The following PPP2R2C variants were observed in gnomAD, a reference collection of about 807,000 sequenced individuals.
PPP2R2C encodes protein phosphatase 2, regulatory subunit B, gamma.
PPP2R2C carries 10 observed loss-of-function variants against 45.3 expected under a neutral mutation model. That is an observed-to-expected ratio of 0.22 (90% CI 0.14 to 0.37). The LOEUF (loss-of-function observed/expected upper bound fraction) is 0.37, where lower values mean the gene tolerates loss of function less well. Ranked by LOEUF, PPP2R2C falls within the 10% of genes least tolerant of loss-of-function variation. PPP2R2C has a pLI of 1.00. For synonymous variants in PPP2R2C, 257 were observed against 245.4 expected (o/e 1.05, Z -0.44); for missense variants, 308 against 619.7 (o/e 0.50, Z 5.34).
chr4:6,323,864 A>C (rs1197714067), intron 8 of PPP2R2C, among the ~76,000 whole-genome samples: 1 of 96,982 alleles, frequency 1.0e-5, no homozygotes, highest in African/African-American at 3.6e-5. Flanking sequence ...GGATCACCTG[A>C]GCCTGGGGAG....
At chr4:6,507,895 C>T (rs933782922) in intron 2 of PPP2R2C, among the ~76,000 whole-genome samples, 2 of 152,174 alleles carry the variant, frequency 1.3e-5, no homozygotes, top group Non-Finnish European at 2.9e-5. Context: ...GAGGGTTGAA[C>T]ATGATTGCTG....
At chr4:6,499,764 T>C (rs1197793842) in intron 2 of PPP2R2C, among the ~76,000 whole-genome samples, 7 of 131,396 alleles carry the variant, frequency 5.3e-5, no homozygotes, top group Non-Finnish European at 9.8e-5. Flanking sequence ...CATTGAACCA[T>C]AAAAAAAAAA....
chr4:6,351,306 C>G, intron 5 of PPP2R2C: 1 of 880,214 alleles, frequency 1.1e-6, no homozygotes, highest in Non-Finnish European at 1.4e-6. Context: ...GAGCAAGACT[C>G]CATCTCAAAA....
intron 4 of PPP2R2C, among the ~76,000 whole-genome samples, chr4:6,375,596 C>T (rs2109302783): frequency 6.6e-6 from 1 of 152,336 alleles, no homozygotes; most frequent in Middle Eastern, 3.4e-3. Flanking sequence ...CATACACCAC[C>T]CCTGCATGCT....
At chr4:6,374,801 G>A (rs1400861373) in intron 4 of PPP2R2C, among the ~76,000 whole-genome samples, 2 of 152,180 alleles carry the variant, frequency 1.3e-5, no homozygotes, top group Non-Finnish European at 2.9e-5. Flanking sequence ...GCCTAGCGTG[G>A]AGCAGCTCCT....
At chr4:6,370,007 C>T (rs1173191484) in intron 5 of PPP2R2C, among the ~76,000 whole-genome samples, 1 of 152,202 alleles carries the variant, frequency 6.6e-6, no homozygotes, top group African/African-American at 2.4e-5. Context: ...GAAAGGGTTT[C>T]GGCATCCATA....
chr4:6,525,710 G>A (rs1196276023), intron 2 of PPP2R2C, among the ~76,000 whole-genome samples: 1 of 151,940 alleles, frequency 6.6e-6, no homozygotes, highest in Non-Finnish European at 1.5e-5. Context: ...TGTCCTTTTT[G>A]GGGGGATGGG....
At chr4:6,423,800 A>G (rs1719120772) in intron 1 of PPP2R2C, among the ~76,000 whole-genome samples, 1 of 152,162 alleles carries the variant, frequency 6.6e-6, no homozygotes, top group South Asian at 2.1e-4. Flanking sequence ...TAGTGGTATG[A>G]GCAGAGGCCA....
intron 1 of PPP2R2C, among the ~76,000 whole-genome samples, chr4:6,410,525 G>C (rs1718096525): frequency 6.6e-6 from 1 of 152,184 alleles, no homozygotes; most frequent in Non-Finnish European, 1.5e-5. Context: ...ATATCAAAAA[G>C]ATGGGGATGG....
intron 5 of PPP2R2C, among the ~76,000 whole-genome samples, chr4:6,370,757 C>G (rs142616245): frequency 1.3e-3 from 195 of 152,334 alleles, no homozygotes; most frequent in African/African-American, 4.5e-3. Flanking sequence ...TTATCCACAT[C>G]AAACATGCTC....
chr4:6,488,733 G>T (rs1722605617), intron 2 of PPP2R2C, among the ~76,000 whole-genome samples: 1 of 152,106 alleles, frequency 6.6e-6, no homozygotes. Context: ...TTGCTTTGAT[G>T]ATTTGCTAAG....
chr4:6,469,367 T>A (rs1721744670), intron 1 of PPP2R2C, among the ~76,000 whole-genome samples: 1 of 152,156 alleles, frequency 6.6e-6, no homozygotes, highest in Non-Finnish European at 1.5e-5. Flanking sequence ...AGGAGGTAGA[T>A]CAGAGCAGCT....
At chr4:6,551,675 A>G (rs1001982145) in intron 1 of PPP2R2C, among the ~76,000 whole-genome samples, 2 of 152,242 alleles carry the variant, frequency 1.3e-5, no homozygotes, top group African/African-American at 4.8e-5. Flanking sequence ...CTGGGCTGCC[A>G]TGCTGGACAA....
chr4:6,378,707 G>C lies in PPP2R2C; in HGVS notation c.169-135C>G, dbSNP rs1715546112. Reference sequence around the variant, plus strand: ...CAGGGATCCAATTCGAGGGTCAAATGAAACTCTCTGCAGCTTAACCGGCCC... The same window carrying C: ...CAGGGATCCAATTCGAGGGTCAAATCAAACTCTCTGCAGCTTAACCGGCCC... On this transcript the variant is annotated intron_variant, in intron 2 of 8. Coordinates refer to ENST00000382599, the MANE Select transcript of PPP2R2C (RefSeq NM_020416.4). The surrounding 1 kb of genome is among the most constrained non-coding windows in gnomAD (Gnocchi z 5.2). The C allele has an allele frequency of 5.3e-6, 5 of 941,052 alleles. No homozygotes were observed. Among genetic ancestry groups the C allele is most frequent in the Admixed American group, 2.4e-5 (1 of 42,498 alleles). 58.3% of individuals were successfully genotyped at this position (941,052 alleles called of 1,614,324 possible).
chr4:6,450,869 G>A (rs2108746010), intron 1 of PPP2R2C, among the ~76,000 whole-genome samples: 1 of 152,218 alleles, frequency 6.6e-6, no homozygotes, highest in Non-Finnish European at 1.5e-5. Context: ...ATAGCTCCTT[G>A]CTCACGTGGG....
intron 1 of PPP2R2C, among the ~76,000 whole-genome samples, chr4:6,461,863 G>T (rs1197261946): frequency 6.6e-6 from 1 of 152,234 alleles, no homozygotes; most frequent in Non-Finnish European, 1.5e-5. Flanking sequence ...GCAGGCGGTG[G>T]CTACCCCAGT....
Position 6,321,397 on chromosome 4 carries a change from A to C in PPP2R2C, c.*1905T>G, listed in dbSNP as rs1392445532. ...AAAGTAATCCAATCCTTTGATTGTT[A>C]AATTTAATTAGAATAGATATGTACA... On this transcript the variant is annotated 3_prime_UTR_variant, in exon 9 of 9. Coordinates refer to ENST00000382599, the MANE Select transcript of PPP2R2C (RefSeq NM_020416.4). 6.6e-6 allele frequency: 1 copy of C among 152,596 alleles called. No individual in the cohort carries two copies. The highest frequency in any genetic ancestry group is 2.4e-5 in the African/African-American group (1 of 41,462). The allele number at this position is 152,596 out of a possible 1,614,324, so 9.5% of individuals were successfully genotyped here.
At chr4:6,383,249 C>G in intron 1 of PPP2R2C, 2 of 1,216,974 alleles carry the variant, frequency 1.6e-6, no homozygotes, top group South Asian at 1.5e-5. Flanking sequence ...CCCCAACCCC[C>G]GGCCAAGCCC....
chr4:6,533,105 G>A (rs190309258), intron 2 of PPP2R2C, among the ~76,000 whole-genome samples: 50 of 152,306 alleles, frequency 3.3e-4, no homozygotes, highest in Middle Eastern at 3.4e-3. Flanking sequence ...GCTTGCAAAC[G>A]TGACTTTAGA....
Sources: allele counts gnomAD v4.1 joint callset (sites outside exome capture counted in the v4.1 genomes callset), GRCh38; gene constraint gnomAD v4.1.1; non-coding constraint Gnocchi (gnomAD v3.1); transcripts MANE v1.5; gene names NCBI Gene and HGNC (gene_info 2026-07-23, HGNC 2026-07-21).